RASA2: variants seen among roughly 807,000 people sequenced by gnomAD.
RASA2 encodes RAS p21 protein activator 2, also known as ras GTPase-activating protein 2.
RASA2 carries 155 observed loss-of-function variants against 118.2 expected under a neutral mutation model. The ratio of observed to expected loss-of-function variants is 1.31; its 90% CI spans 1.15 to 1.50. The LOEUF is 1.50. Ranked by LOEUF, RASA2 falls within the 40% of genes most tolerant of loss-of-function variation. The pLI, the probability that RASA2 is intolerant of heterozygous loss-of-function variation, is 0.00. For missense variants in RASA2, 1,016 were observed against 1,009.6 expected, an observed-to-expected ratio of 1.01 and a Z score of -0.09; for synonymous variants, 353 against 349.1, an observed-to-expected ratio of 1.01 and a Z score of -0.12.
In RASA2 at chr3:141,508,201, G is replaced by A. The variant is rs569823032; in HGVS notation, c.134-3962G>A. ...CTGTGGATACCGAAAGTTTCCTCAC[G>A]TTTAAGATGTGGTTAGTGGATAAAA... is the stretch of plus-strand genomic sequence containing the variant. On this transcript the variant is annotated intron_variant, in intron 1 of 23. Coordinates refer to ENST00000286364, the MANE Select transcript of RASA2 (RefSeq NM_006506.5). Among the ~76,000 whole-genome samples the A allele has an allele frequency of 3.3e-5, 5 of 151,920 alleles. No homozygotes were observed. The South Asian group carries it at 1.0e-3, about 32-fold the overall frequency.
intron 23 of RASA2, among the ~76,000 whole-genome samples, chr3:141,610,478 A>AATATAT (rs201768514): frequency 2.7e-4 from 27 of 99,966 alleles, no homozygotes; most frequent in African/African-American, 1.4e-3. Flanking sequence ...TATATATATA[A>AATATAT]ATATATATAT....
chr3:141,502,207 G>A (rs2081793926), intron 1 of RASA2, among the ~76,000 whole-genome samples: 1 of 152,168 alleles, frequency 6.6e-6, no homozygotes, highest in Non-Finnish European at 1.5e-5. Context: ...AGAACATTAT[G>A]TCCTGAGTCA....
At chr3:141,521,299 G>C (rs1232527849) in intron 3 of RASA2, among the ~76,000 whole-genome samples, 3 of 152,126 alleles carry the variant, frequency 2.0e-5, no homozygotes, top group Non-Finnish European at 2.9e-5. Context: ...AGGCATATCA[G>C]GAAGTAGAAA....
At chr3:141,537,397 C>CT (rs2082343047) in intron 4 of RASA2, among the ~76,000 whole-genome samples, 1 of 152,130 alleles carries the variant, frequency 6.6e-6, no homozygotes, top group Non-Finnish European at 1.5e-5. Context: ...TTGCTTAGTT[C>CT]TAACTTTTTT....
Position 141,612,438 on chromosome 3 carries a change from T to C in RASA2, c.*125T>C. ...CGCTTCAATGTCATCTGCCTCCACA[T>C]TGTATTTAATATTTAATAATTGAAA... On this transcript the variant is annotated 3_prime_UTR_variant, in exon 24 of 24. Transcript: ENST00000286364. 1 of 683,482 alleles carries C rather than the reference T, an allele frequency of 1.5e-6. No homozygotes were observed. Among genetic ancestry groups the C allele is most frequent in the Non-Finnish European group, 2.4e-6 (1 of 417,372 alleles). The allele number at this position is 683,482 out of a possible 1,614,324, so 42.3% of individuals were successfully genotyped here.
chr3:141,585,980 T>A, intron 17 of RASA2, 45 bp from the exon 18 acceptor site: 4 of 1,474,862 alleles, frequency 2.7e-6, no homozygotes, highest in Non-Finnish European at 2.8e-6. Context: ...TTTTTTATAA[T>A]GTACCTTATC....
In RASA2 at chr3:141,571,345, A is replaced by T; in HGVS notation, c.1021-61A>T. 10 of 1,561,530 alleles carry T rather than the reference A, an allele frequency of 6.4e-6. No individual in the cohort carries two copies. The South Asian group carries it at 1.1e-4, about 17-fold the overall frequency. ...TTTCAGTTACTTTTACAGGCTAGTG[A>T]TTGAACAGTTAATCATGTTTCCTTG... On this transcript the variant is annotated intron_variant, in intron 10 of 23. Coordinates refer to ENST00000286364, the MANE Select transcript of RASA2 (RefSeq NM_006506.5).
intron 15 of RASA2, chr3:141,578,480 G>C (rs1051347611): frequency 6.6e-6 from 1 of 152,094 alleles, no homozygotes; most frequent in African/African-American, 2.4e-5. Flanking sequence ...ACCAGGTTCT[G>C]AATACCCATT....
chr3:141,493,590 C>T (rs2081664047), intron 1 of RASA2, among the ~76,000 whole-genome samples: 1 of 151,876 alleles, frequency 6.6e-6, no homozygotes, highest in Non-Finnish European at 1.5e-5. Flanking sequence ...ATGATGGCAA[C>T]CTGCTGTGCT....
intron 4 of RASA2, among the ~76,000 whole-genome samples, chr3:141,531,426 GTA>G (rs900512744): frequency 1.3e-5 from 2 of 150,836 alleles, no homozygotes; most frequent in Non-Finnish European, 3.0e-5. Flanking sequence ...ATATGTGTGT[GTA>G]TATATATATG....
chr3:141,488,964 G>A (rs1300581085), intron 1 of RASA2, among the ~76,000 whole-genome samples: 1 of 152,108 alleles, frequency 6.6e-6, no homozygotes, highest in African/African-American at 2.4e-5. Flanking sequence ...TAGTTGTCCT[G>A]TGCTTTTGTC....
intron 3 of RASA2, among the ~76,000 whole-genome samples, chr3:141,517,699 G>A (rs1273485276): frequency 6.6e-6 from 1 of 152,056 alleles, no homozygotes; most frequent in Non-Finnish European, 1.5e-5. Context: ...TGTCGCCCAG[G>A]CTGGAGTTCA....
At chr3:141,488,714 T>A (rs1301579612) in intron 1 of RASA2, among the ~76,000 whole-genome samples, 2 of 152,190 alleles carry the variant, frequency 1.3e-5, no homozygotes, top group Admixed American at 6.5e-5. Flanking sequence ...TGTAACCTTA[T>A]ATTTGAGGGG....
chr3:141,509,730 G>A (rs1443378954), intron 1 of RASA2, among the ~76,000 whole-genome samples: 2 of 152,222 alleles, frequency 1.3e-5, no homozygotes, highest in Non-Finnish European at 2.9e-5. Flanking sequence ...GAATGGGGTA[G>A]AGAGAGCACA....
At chr3:141,600,351 C>G (rs762213268) in intron 19 of RASA2, 30 of 519,450 alleles carry the variant, frequency 5.8e-5, no homozygotes, top group Non-Finnish European at 1.1e-4. Context: ...TAAGCAATTG[C>G]ATGATGAGGG....
chr3:141,610,362 TTA>T (rs1025189717), intron 23 of RASA2, among the ~76,000 whole-genome samples: 1 of 121,472 alleles, frequency 8.2e-6, no homozygotes, highest in African/African-American at 3.2e-5. Flanking sequence ...TATTTATATA[TTA>T]TATATTTATA....
chr3:141,528,846 T>A (rs1404678219), intron 3 of RASA2, among the ~76,000 whole-genome samples: 1 of 152,016 alleles, frequency 6.6e-6, no homozygotes, highest in East Asian at 1.9e-4. Context: ...TTAGGGCGTA[T>A]AAAATGAAAA....
At chr3:141,522,758 G>A (rs1020968101) in intron 3 of RASA2, among the ~76,000 whole-genome samples, 20 of 152,094 alleles carry the variant, frequency 1.3e-4, no homozygotes, top group African/African-American at 3.6e-4. Flanking sequence ...TACACTTCAC[G>A]CTCAAGAAAT....
At position 141,609,903 on chromosome 3, in the gene RASA2, C is replaced by A; in HGVS notation, c.2356C>A (p.Gln786Lys). ...EEACGTIAVY[Q>K]GPQKEPDDYS... ...GGCTTGTGGAACTATTGCAGTCTATCAAGGACCACAGAAAGAGCCTGATGA... is the reference window on the plus strand; with the variant it reads ...GGCTTGTGGAACTATTGCAGTCTATAAAGGACCACAGAAAGAGCCTGATGA... The change falls in exon 23 of 24, where the codon CAA (glutamine) becomes AAA (lysine). Residue 786 changes from glutamine (Q) to lysine (K), a missense_variant. By Grantham distance (53) the Gln-to-Lys change is moderately conservative. Transcript: ENST00000286364. 6.3e-7 allele frequency: 1 copy of A among 1,598,830 alleles called. No homozygotes were observed. Among genetic ancestry groups the A allele is most frequent in the Non-Finnish European group, 8.5e-7 (1 of 1,174,138 alleles).
Sources: gnomAD v4.1 joint callset for allele counts (sites outside exome capture counted in the v4.1 genomes callset) on GRCh38, gnomAD v4.1.1 for gene constraint, MANE v1.5 for transcripts, NCBI Gene and HGNC (gene_info 2026-07-23, HGNC 2026-07-21) for gene names.